Variants in SAMD5 observed in about 807,000 individuals in gnomAD.
SAMD5 encodes sterile alpha motif domain-containing protein 5.
In SAMD5, 13 loss-of-function variants were observed where a neutral mutation model predicts 11.3. The ratio of observed to expected loss-of-function variants is 1.15; its 90% CI spans 0.75 to 1.83. The LOEUF (loss-of-function observed/expected upper bound fraction) is 1.83, where lower values mean the gene tolerates loss of function less well. SAMD5 is among the 40% of genes most tolerant of loss of function. The probability of loss-of-function intolerance (pLI) is 0.00; values close to 1 mark genes in which losing one functional copy is unlikely to be tolerated. For synonymous variants in SAMD5, 129 were observed against 111.3 expected, an observed-to-expected ratio of 1.16 and a Z score of -1.00; for missense variants, 255 against 239.1, an observed-to-expected ratio of 1.07 and a Z score of -0.44.
chr6:147,524,686 C>A (rs1187919024), intron 1 of SAMD5, among the ~76,000 whole-genome samples: 2 of 152,030 alleles, frequency 1.3e-5, no homozygotes, highest in African/African-American at 2.4e-5. Context: ...GTTTTCCATT[C>A]GCACCTAGAT....
chr6:147,927,137 G>T, the SAMD5 span, among the ~76,000 whole-genome samples: 56 of 152,078 alleles, frequency 3.7e-4, no homozygotes, highest in Non-Finnish European at 6.9e-4. Flanking sequence ...ATATTGCCTT[G>T]GTTATTCGGG....
chr6:147,610,044 T>C (rs759864630), intron 1 of SAMD5, among the ~76,000 whole-genome samples: 23 of 152,354 alleles, frequency 1.5e-4, no homozygotes, highest in Admixed American at 1.2e-3. Flanking sequence ...AGTATGAAGA[T>C]TGCACATTAT....
At chr6:147,863,838 CTTTTTTTTTTT>C in the SAMD5 span, among the ~76,000 whole-genome samples, 1 of 90,874 alleles carries the variant, frequency 1.1e-5, no homozygotes, top group African/African-American at 3.9e-5. Context: ...TTTCTTTCCA[CTTTTTTTTTTT>C]TTTTTTTTTT....
chr6:147,817,690 C>A, the SAMD5 span, among the ~76,000 whole-genome samples: 4 of 152,148 alleles, frequency 2.6e-5, no homozygotes, highest in African/African-American at 9.7e-5. Flanking sequence ...TCCATGGGAG[C>A]CTGAGTTTTA....
the SAMD5 span, among the ~76,000 whole-genome samples, chr6:147,800,173 T>C: frequency 6.6e-6 from 1 of 152,132 alleles, no homozygotes; most frequent in Non-Finnish European, 1.5e-5. Flanking sequence ...AGTTTTTCTG[T>C]TCTGTTTTTT....
At chr6:147,720,324 G>A (rs1403049455) in intron 1 of SAMD5, among the ~76,000 whole-genome samples, 2 of 152,146 alleles carry the variant, frequency 1.3e-5, no homozygotes, top group African/African-American at 2.4e-5. Flanking sequence ...TTAGCCAGGC[G>A]CGATGGCGGG....
At position 147,655,877 on chromosome 6, in the gene SAMD5, A is replaced by C. The variant is rs555869554; in HGVS notation, c.163-81440A>C. Among the ~76,000 whole-genome samples the C allele has an allele frequency of 2.6e-5, 4 of 152,348 alleles. No homozygotes were observed. In the South Asian group the frequency reaches 8.3e-4, roughly 32 times the overall value. ...ATGAACTCAAGTGTAAAAGCATTAG[A>C]TAAAAGAAAGAATAACACTTTCTAA... On this transcript the variant is annotated intron_variant, in intron 1 of 1. Coordinates refer to the SAMD5 transcript ENST00000566741.
the SAMD5 span, among the ~76,000 whole-genome samples, chr6:147,816,112 C>G: frequency 1.3e-5 from 2 of 150,726 alleles, no homozygotes; most frequent in Admixed American, 6.6e-5. Flanking sequence ...AACCCCTTTT[C>G]TACTAAAAAT....
chr6:147,616,625 T>G (rs898172568), intron 1 of SAMD5, among the ~76,000 whole-genome samples: 1 of 152,248 alleles, frequency 6.6e-6, no homozygotes, highest in African/African-American at 2.4e-5. Context: ...AATTCTAGTT[T>G]GTATTAGTCT....
the SAMD5 span, among the ~76,000 whole-genome samples, chr6:147,886,842 CA>C: frequency 3.3e-5 from 5 of 152,040 alleles, no homozygotes; most frequent in African/African-American, 1.2e-4. Context: ...CAACAGACAG[CA>C]AAAAATGTTA....
the SAMD5 span, among the ~76,000 whole-genome samples, chr6:147,885,148 C>A: frequency 6.6e-6 from 1 of 152,088 alleles, no homozygotes; most frequent in East Asian, 1.9e-4. Flanking sequence ...CAGATGGATC[C>A]TAAGACAGCT....
At chr6:147,580,816 A>AT (rs34302163) in intron 1 of SAMD5, among the ~76,000 whole-genome samples, 70,606 of 149,282 alleles carry the variant, frequency 0.47, 16,676 homozygotes, top group East Asian at 0.65. Flanking sequence ...CTAAACTATG[A>AT]TTTTTTTTTT....
chr6:147,704,745 G>A (rs1181596781), intron 1 of SAMD5, among the ~76,000 whole-genome samples: 1 of 152,178 alleles, frequency 6.6e-6, no homozygotes, highest in Non-Finnish European at 1.5e-5. Flanking sequence ...AGGAAAGGGA[G>A]CCTGTGTTTT....
chr6:147,766,367 T>C, the SAMD5 span, among the ~76,000 whole-genome samples: 1 of 151,994 alleles, frequency 6.6e-6, no homozygotes, highest in African/African-American at 2.4e-5. Context: ...GCCCAATGAA[T>C]AAAAAATAGA....
At chr6:147,919,946 C>T in the SAMD5 span, among the ~76,000 whole-genome samples, 1 of 152,176 alleles carries the variant, frequency 6.6e-6, no homozygotes, top group Non-Finnish European at 1.5e-5. Flanking sequence ...TAGTATTATA[C>T]ATGGTTTTTA....
chr6:147,607,665 T>C (rs1003371305), intron 1 of SAMD5, among the ~76,000 whole-genome samples: 1 of 152,124 alleles, frequency 6.6e-6, no homozygotes, highest in Admixed American at 6.5e-5. Context: ...TACTTAAATA[T>C]AAGACTTCAA....
At chr6:147,643,732 A>G (rs1338679577) in intron 1 of SAMD5, among the ~76,000 whole-genome samples, 3 of 133,874 alleles carry the variant, frequency 2.2e-5, no homozygotes. Flanking sequence ...GGAAAGAGAA[A>G]GAGGGAAGGA....
chr6:147,694,227 T>C lies in SAMD5; in HGVS notation c.163-43090T>C, dbSNP rs374393878. Reference sequence around the variant, plus strand: ...GTGGGATAACATTTTAGAAGTGTAATGTGATAACAATTAACCTATCACTCC... The same window carrying C: ...GTGGGATAACATTTTAGAAGTGTAACGTGATAACAATTAACCTATCACTCC... On this transcript the variant is annotated intron_variant, in intron 1 of 1. Coordinates refer to the SAMD5 transcript ENST00000566741. Among the ~76,000 whole-genome samples, 605 of 152,280 alleles carry C rather than the reference T, an allele frequency of 4.0e-3. 4 individuals carry two copies. Among genetic ancestry groups the C allele is most frequent in the Non-Finnish European group, 7.0e-3 (473 of 68,024 alleles).
intron 1 of SAMD5, among the ~76,000 whole-genome samples, chr6:147,629,971 T>C (rs1258254768): frequency 6.9e-6 from 1 of 143,978 alleles, no homozygotes; most frequent in Non-Finnish European, 1.5e-5. Flanking sequence ...TTTTTTGAGA[T>C]GGAGTTTCGC....
Sources: allele counts gnomAD v4.1 joint callset (sites outside exome capture counted in the v4.1 genomes callset), GRCh38; gene constraint gnomAD v4.1.1; transcripts MANE v1.5; gene names NCBI Gene and HGNC (gene_info 2026-07-23, HGNC 2026-07-21).